TAF4B: variants seen among roughly 807,000 people sequenced by gnomAD.
The protein encoded by TAF4B is transcription initiation factor TFIID subunit 4B.
Under a neutral mutation model 86.4 loss-of-function variants are expected in TAF4B, and 38 were observed. That is an observed-to-expected ratio of 0.44 (90% CI 0.34 to 0.58). The LOEUF (loss-of-function observed/expected upper bound fraction) is 0.58. Among genes scored for constraint, TAF4B ranks in the 20% least tolerant of loss-of-function variants. The pLI, the probability that TAF4B is intolerant of heterozygous loss-of-function variation, is 0.02. For synonymous variants in TAF4B, 388 were observed against 391.2 expected, an observed-to-expected ratio of 0.99 and a Z score of 0.10; for missense variants, 988 against 1,027.6, an observed-to-expected ratio of 0.96 and a Z score of 0.53.
At chr18:26,254,540 G>T (rs2056053656) in intron 1 of TAF4B, among the ~76,000 whole-genome samples, 2 of 152,078 alleles carry the variant, frequency 1.3e-5, no homozygotes, top group Non-Finnish European at 2.9e-5. Context: ...CACAAAAATC[G>T]ATTACATTTA....
At chr18:26,229,272 G>A (rs967516931) in intron 1 of TAF4B, among the ~76,000 whole-genome samples, 1 of 152,106 alleles carries the variant, frequency 6.6e-6, no homozygotes, top group African/African-American at 2.4e-5. Context: ...AGAGAAAGAA[G>A]ATAAGTTGTC....
At chr18:26,361,405 A>G (rs1372000563) in intron 14 of TAF4B, among the ~76,000 whole-genome samples, 9 of 150,696 alleles carry the variant, frequency 6.0e-5, no homozygotes, top group Non-Finnish European at 1.2e-4. Context: ...GATTATAGGC[A>G]TGAGCCACAC....
At chr18:26,232,284 GTTAC>G (rs2144425289) in intron 1 of TAF4B, among the ~76,000 whole-genome samples, 1 of 152,262 alleles carries the variant, frequency 6.6e-6, no homozygotes, top group South Asian at 2.1e-4. Flanking sequence ...GACCGCTCTA[GTTAC>G]TTCTTGCTGG....
At chr18:26,380,873 G>A (rs1004745083) in intron 14 of TAF4B, among the ~76,000 whole-genome samples, 1 of 151,932 alleles carries the variant, frequency 6.6e-6, no homozygotes, top group African/African-American at 2.4e-5. Flanking sequence ...GCTATGACTG[G>A]ATTTAAGTCC....
At chr18:26,344,652 C>G (rs1467375618) in intron 13 of TAF4B, among the ~76,000 whole-genome samples, 1 of 152,196 alleles carries the variant, frequency 6.6e-6, no homozygotes, top group Non-Finnish European at 1.5e-5. Flanking sequence ...ATAGGCTATT[C>G]TGCTTTTGAA....
At chr18:26,346,311 AC>A (rs1018030918) in intron 13 of TAF4B, among the ~76,000 whole-genome samples, 7 of 143,734 alleles carry the variant, frequency 4.9e-5, no homozygotes, top group East Asian at 4.1e-4. Flanking sequence ...ACACAGGCAG[AC>A]CCCCCCTCCC....
chr18:26,294,653 A>G (rs943015363), intron 9 of TAF4B, among the ~76,000 whole-genome samples: 4 of 148,538 alleles, frequency 2.7e-5, no homozygotes, highest in Non-Finnish European at 6.0e-5. Flanking sequence ...TGTATCATAC[A>G]TATTTATTTA....
intron 14 of TAF4B, among the ~76,000 whole-genome samples, chr18:26,361,990 G>A (rs1318554982): frequency 1.3e-5 from 2 of 151,966 alleles, no homozygotes; most frequent in Non-Finnish European, 2.9e-5. Context: ...GTAGTTACTT[G>A]TAACTTTTAA....
At chr18:26,276,919 T>C (rs2056391107) in intron 5 of TAF4B, among the ~76,000 whole-genome samples, 1 of 152,170 alleles carries the variant, frequency 6.6e-6, no homozygotes, top group East Asian at 1.9e-4. Flanking sequence ...GAATTAAATA[T>C]TACCTCTAGT....
At chr18:26,332,965 G>A (rs920620007) in intron 12 of TAF4B, among the ~76,000 whole-genome samples, 3 of 151,578 alleles carry the variant, frequency 2.0e-5, no homozygotes, top group African/African-American at 4.9e-5. Flanking sequence ...TTCTTTCCTC[G>A]AGTATATTCC....
In TAF4B at chr18:26,286,182, A is replaced by G. The variant is rs749735397; in HGVS notation, c.1273A>G (p.Thr425Ala). The change falls in exon 7 of 15, where the codon ACA becomes GCA. Residue 425 changes from threonine (T) to alanine (A), a missense_variant. By Grantham distance (58) the Thr-to-Ala change is moderately conservative. Coordinates refer to ENST00000269142, the MANE Select transcript of TAF4B (RefSeq NM_005640.3). ...VGPTAATGGTTAGTGLLQTSK... is the reference protein window; with the variant it reads ...VGPTAATGGTAAGTGLLQTSK... ...CCCAACTGCTGCAACAGGAGGAACA[A>G]CAGCTGGAACTGGTTTGCTTCAGAC... 2 of 1,614,248 alleles carry G rather than the reference A, an allele frequency of 1.2e-6. No homozygotes were observed.
intron 9 of TAF4B, among the ~76,000 whole-genome samples, chr18:26,296,003 T>TGG (rs921269060): frequency 1.3e-5 from 2 of 151,828 alleles, no homozygotes; most frequent in Non-Finnish European, 2.9e-5. Context: ...TGTGTGTGTG[T>TGG]GTGTGTGTTT....
intron 1 of TAF4B, among the ~76,000 whole-genome samples, chr18:26,239,243 C>T (rs1165840265): frequency 3.9e-5 from 6 of 152,156 alleles, no homozygotes; most frequent in African/African-American, 1.4e-4. Flanking sequence ...ACATCCTCTC[C>T]AGCACCTGTT....
At chr18:26,272,260 G>A (rs2056329491) in intron 3 of TAF4B, among the ~76,000 whole-genome samples, 1 of 152,206 alleles carries the variant, frequency 6.6e-6, no homozygotes, top group African/African-American at 2.4e-5. Flanking sequence ...TCACCTGCAT[G>A]TGCAGTTCAC....
At chr18:26,379,013 A>C (rs1255918797) in intron 14 of TAF4B, among the ~76,000 whole-genome samples, 1 of 152,094 alleles carries the variant, frequency 6.6e-6, no homozygotes, top group Non-Finnish European at 1.5e-5. Flanking sequence ...CATTCTTGTA[A>C]AAGTCATTTT....
At chr18:26,291,454 C>T (rs1330558560) in intron 7 of TAF4B, among the ~76,000 whole-genome samples, 1 of 151,996 alleles carries the variant, frequency 6.6e-6, no homozygotes, top group African/African-American at 2.4e-5. Flanking sequence ...CACCTGTAAT[C>T]CCAGCATTTT....
chr18:26,335,653 T>C (rs535160110), intron 13 of TAF4B, among the ~76,000 whole-genome samples: 3 of 152,308 alleles, frequency 2.0e-5, no homozygotes, highest in Admixed American at 2.0e-4. Context: ...AAATGGAAAA[T>C]GCCTCTGGCT....
At chr18:26,267,395 A>C (rs1036925771) in intron 2 of TAF4B, 121 bp from the exon 3 acceptor site, 1 of 674,234 alleles carries the variant, frequency 1.5e-6, no homozygotes, top group Non-Finnish European at 2.6e-6. Flanking sequence ...ACATTAGGTT[A>C]TAACTCCAGT....
intron 11 of TAF4B, among the ~76,000 whole-genome samples, chr18:26,322,277 T>C (rs924117459): frequency 7.9e-5 from 12 of 152,146 alleles, no homozygotes; most frequent in African/African-American, 2.7e-4. Flanking sequence ...TATTTTATTT[T>C]TTTTTCCTTT....
Sources: allele counts gnomAD v4.1 joint callset (sites outside exome capture counted in the v4.1 genomes callset), GRCh38; gene constraint gnomAD v4.1.1; transcripts MANE v1.5; gene names NCBI Gene and HGNC (gene_info 2026-07-23, HGNC 2026-07-21).